The following DCC variants were observed in gnomAD, a reference collection of about 807,000 sequenced individuals.
The protein encoded by DCC is DCC netrin 1 receptor.
In DCC, 58 loss-of-function variants were observed where a neutral mutation model predicts 172.5. That is an observed-to-expected ratio of 0.34 (90% CI 0.27 to 0.42). DCC has a LOEUF of 0.42. Ranked by LOEUF, DCC falls within the 10% of genes least tolerant of loss-of-function variation. DCC has a pLI of 1.00. For synonymous variants in DCC, 709 were observed against 644.5 expected (o/e 1.10, Z -1.52); for missense variants, 1,740 against 1,791.0 (o/e 0.97, Z 0.51).
intron 1 of DCC, among the ~76,000 whole-genome samples, chr18:52,658,725 C>A (rs2035301465): frequency 6.6e-6 from 1 of 151,994 alleles, no homozygotes; most frequent in Admixed American, 6.6e-5. Context: ...AATGTTACAG[C>A]TTTTTCTGTA....
chr18:52,729,313 G>A (rs1203951416), intron 1 of DCC, among the ~76,000 whole-genome samples: 1 of 152,084 alleles, frequency 6.6e-6, no homozygotes, highest in Non-Finnish European at 1.5e-5. Context: ...AGGCTGGAGT[G>A]CAGTGGTGCA....
intron 4 of DCC, among the ~76,000 whole-genome samples, chr18:52,924,524 A>G (rs1175094176): frequency 1.3e-5 from 2 of 152,100 alleles, no homozygotes; most frequent in African/African-American, 4.8e-5. Context: ...TAATATTAAG[A>G]TACAGTTAGA....
chr18:53,036,071 C>T (rs774524370), intron 5 of DCC, among the ~76,000 whole-genome samples: 21 of 151,892 alleles, frequency 1.4e-4, no homozygotes, highest in Non-Finnish European at 1.9e-4. Flanking sequence ...TACAGAATTG[C>T]TTTAGAGAGT....
chr18:52,726,716 A>C (rs1278183642), intron 1 of DCC, among the ~76,000 whole-genome samples: 1 of 152,104 alleles, frequency 6.6e-6, no homozygotes, highest in East Asian at 1.9e-4. Context: ...TCATGTTCTG[A>C]CTCTGCCTCT....
In DCC at chr18:53,435,140, AC is replaced by A; in HGVS notation, c.3164-3del. The stretch of plus-strand genomic sequence containing the variant: ...ACATTGTGACATGCTCTCCCAATGA[AC>A]AGGTCGTCATGGAGATGGAGGTTAT... On this transcript the variant is annotated splice_polypyrimidine_tract_variant and splice_region_variant and intron_variant, in intron 21 of 28. Transcript: ENST00000442544. 1 of 1,607,820 alleles carries A rather than the reference AC, an allele frequency of 6.2e-7. No homozygotes were observed. Among genetic ancestry groups the A allele is most frequent in the Non-Finnish European group, 8.5e-7 (1 of 1,174,322 alleles).
intron 12 of DCC, among the ~76,000 whole-genome samples, chr18:53,298,189 ACTAAG>A (rs2057089444): frequency 6.6e-6 from 1 of 152,134 alleles, no homozygotes; most frequent in Admixed American, 6.6e-5. Flanking sequence ...TGGTAGACAT[ACTAAG>A]CACAATTGTT....
At chr18:52,981,639 A>C (rs569066411) in intron 5 of DCC, among the ~76,000 whole-genome samples, 1 of 152,150 alleles carries the variant, frequency 6.6e-6, no homozygotes, top group African/African-American at 2.4e-5. Flanking sequence ...TAAATGTGAG[A>C]TTGGTACAAT....
rs757056781 is a variant in DCC, at chr18:52,697,729, T to C, written c.92-54325T>C. Among the ~76,000 whole-genome samples the C allele has an allele frequency of 2.6e-5, 4 of 152,144 alleles. No individual in the cohort carries two copies. The South Asian group carries it at 8.3e-4, about 31-fold the overall frequency. ...ATAAGTGCATTGTTAAGTAGAGAAA[T>C]TGTAAATGCCATACTTCTAAACATA... On this transcript the variant is annotated intron_variant, in intron 1 of 28. Coordinates refer to ENST00000442544, the MANE Select transcript of DCC (RefSeq NM_005215.4).
In DCC at chr18:52,596,420, G is replaced by T. The variant is rs557723997; in HGVS notation, c.92-155634G>T. 4.7e-3 allele frequency among the ~76,000 whole-genome samples: 712 copies of T among 152,232 alleles called. 6 individuals carry two copies. Among genetic ancestry groups the T allele is most frequent in the Middle Eastern group, 0.024 (7 of 294 alleles). ...AGAAATCTTAGAGATCATTTAACCT[G>T]ATAATTCTCAAAGCGTGATCACTGA... On this transcript the variant is annotated intron_variant, in intron 1 of 28. Coordinates refer to ENST00000442544, the MANE Select transcript of DCC (RefSeq NM_005215.4).
At chr18:52,929,220 C>T (rs370081580) in intron 5 of DCC, among the ~76,000 whole-genome samples, 1 of 152,102 alleles carries the variant, frequency 6.6e-6, no homozygotes, top group Non-Finnish European at 1.5e-5. Context: ...CATTTTAGCA[C>T]AGAAAGATAA....
intron 1 of DCC, among the ~76,000 whole-genome samples, chr18:52,729,270 T>G (rs12960054): frequency 0.17 from 26,359 of 152,102 alleles, 2,473 homozygotes; most frequent in South Asian, 0.29. Flanking sequence ...TTATTTTTAT[T>G]TATTTGAGAC....
At chr18:52,625,283 T>G (rs1426546550) in intron 1 of DCC, among the ~76,000 whole-genome samples, 2 of 152,120 alleles carry the variant, frequency 1.3e-5, no homozygotes, top group African/African-American at 4.8e-5. Context: ...TCTTTTTGAA[T>G]GGTGTAAAAC....
chr18:53,027,146 A>T (rs917294281), intron 5 of DCC, among the ~76,000 whole-genome samples: 4 of 152,060 alleles, frequency 2.6e-5, no homozygotes, highest in African/African-American at 9.7e-5. Context: ...GGAAAAGCAT[A>T]CCCTCCTTAG....
chr18:53,053,343 A>G (rs1187102302), intron 5 of DCC, among the ~76,000 whole-genome samples: 2 of 151,972 alleles, frequency 1.3e-5, no homozygotes, highest in African/African-American at 2.4e-5. Flanking sequence ...TACTCCAGAA[A>G]CACTTGTTTT....
intron 7 of DCC, among the ~76,000 whole-genome samples, chr18:53,138,112 GCCATTGTGC>G (rs1236515411): frequency 2.0e-5 from 3 of 152,042 alleles, no homozygotes; most frequent in African/African-American, 7.2e-5. Context: ...ACAAGCATGA[GCCATTGTGC>G]CCAGGGAGTA....
intron 1 of DCC, among the ~76,000 whole-genome samples, chr18:52,626,895 G>C (rs1031835976): frequency 6.6e-6 from 1 of 152,112 alleles, no homozygotes; most frequent in Non-Finnish European, 1.5e-5. Context: ...AAAAATGTGA[G>C]CATCTGTGGA....
At chr18:52,863,813 T>C (rs2039180366) in intron 2 of DCC, among the ~76,000 whole-genome samples, 1 of 152,076 alleles carries the variant, frequency 6.6e-6, no homozygotes, top group Non-Finnish European at 1.5e-5. Flanking sequence ...TAATCATTTT[T>C]GTATTACTGT....
intron 5 of DCC, among the ~76,000 whole-genome samples, chr18:52,927,104 T>TAC (rs1271420841): frequency 9.0e-6 from 1 of 111,068 alleles, no homozygotes; most frequent in Non-Finnish European, 1.9e-5. Flanking sequence ...TACGTGTATA[T>TAC]ACACGTATAT....
chr18:52,714,714 T>A (rs945509742), intron 1 of DCC, among the ~76,000 whole-genome samples: 2 of 152,228 alleles, frequency 1.3e-5, no homozygotes, highest in Non-Finnish European at 2.9e-5. Context: ...AAGGATTCAA[T>A]GATTGCATGT....
Sources: gnomAD v4.1 joint callset for allele counts (sites outside exome capture counted in the v4.1 genomes callset) on GRCh38, gnomAD v4.1.1 for gene constraint, MANE v1.5 for transcripts, NCBI Gene and HGNC (gene_info 2026-07-23, HGNC 2026-07-21) for gene names.